The following HEATR6 variants were observed in gnomAD, a reference collection of about 807,000 sequenced individuals.
HEATR6 encodes HEAT repeat-containing protein 6.
Under a neutral mutation model 132.8 loss-of-function variants are expected in HEATR6, and 106 were observed. That is an observed-to-expected ratio of 0.80 (90% confidence interval 0.68 to 0.94). HEATR6 has a LOEUF of 0.94. Among genes scored for constraint, HEATR6 ranks in the 40% least tolerant of loss-of-function variants. The pLI is 0.00. For synonymous variants in HEATR6, 529 were observed against 537.8 expected (o/e 0.98, Z 0.23); for missense variants, 1,339 against 1,425.1 (o/e 0.94, Z 0.97).
chr17:60,072,909 AT>A (rs1311526673), intron 4 of HEATR6, among the ~76,000 whole-genome samples: 1 of 152,208 alleles, frequency 6.6e-6, no homozygotes, highest in East Asian at 1.9e-4. Context: ...AGAAAACAAA[AT>A]TTTGACATAC....
At chr17:60,059,346 C>A (rs1013920984) in intron 11 of HEATR6, 76 bp downstream of exon 11, 2 of 801,416 alleles carry the variant, frequency 2.5e-6, no homozygotes, top group Non-Finnish European at 4.1e-6. Flanking sequence ...ATACATATAT[C>A]TATATCTGTA....
chr17:60,067,395 T>C lies in HEATR6; in HGVS notation c.1238+39A>G, dbSNP rs1273082440. 8 of 1,415,086 alleles carry C rather than the reference T, an allele frequency of 5.7e-6. No individual in the cohort carries two copies. In the Admixed American group the frequency reaches 2.0e-4, roughly 36 times the overall value. 87.7% of individuals were successfully genotyped at this position (1,415,086 alleles called of 1,614,324 possible). On this transcript the variant is annotated intron_variant, in intron 8 of 19. Transcript: ENST00000184956. The stretch of plus-strand genomic sequence containing the variant: ...TTAAGTTATAAACTTACATGCAACT[T>C]AGAATACAAGGTATAAAAATGTAAC...
At position 60,057,187 on chromosome 17, in the gene HEATR6, G is replaced by A. The variant is rs759517595; in HGVS notation, c.1940C>T (p.Ser647Phe). 4 of 1,614,192 alleles carry A rather than the reference G, an allele frequency of 2.5e-6. No individual in the cohort carries two copies. The highest frequency in any genetic ancestry group is 3.4e-6 in the Non-Finnish European group (4 of 1,180,020). ...EETSVSSPKG[S>F]SEPCWLIRLC... ...TCGAATGAGCCAGCAGGGCTCTGAA[G>A]ACCCCTTAGGTGAGCTAACTGACGT... is the stretch of plus-strand genomic sequence containing the variant. Residue 647 changes from serine to phenylalanine, a missense_variant, in exon 12 of 20, where the codon TCT (serine) becomes TTT (phenylalanine). By Grantham distance (155) the Ser-to-Phe change is radical. Transcript: ENST00000184956.
chr17:60,049,297 T>G (rs1906501726), intron 16 of HEATR6, among the ~76,000 whole-genome samples: 2 of 151,088 alleles, frequency 1.3e-5, no homozygotes, highest in African/African-American at 4.9e-5. Flanking sequence ...CCTGGCTAAT[T>G]TTTAAAATTT....
In HEATR6 at chr17:60,048,284, T is replaced by C; in HGVS notation, c.2652A>G (p.Thr884=). The change falls in exon 17 of 20, where the codon ACA becomes ACG. Residue 884 remains threonine, a synonymous_variant. Coordinates refer to ENST00000184956, the MANE Select transcript of HEATR6 (RefSeq NM_022070.5). ...AKAAWSLGNL[T]DTLIVNMETP... ...CCTACATGTTGACAATCAGAGTGTC[T>C]GTCAGGTTGCCCAGGGACCAGGCTG... The C allele has an allele frequency of 6.2e-7, 1 of 1,613,704 alleles. No homozygotes were observed. Among genetic ancestry groups the C allele is most frequent in the South Asian group, 1.1e-5 (1 of 91,058 alleles).
chr17:60,076,151 G>T lies in HEATR6; in HGVS notation c.306C>A (p.His102Gln). 6.2e-7 allele frequency: 1 copy of T among 1,605,446 alleles called. No homozygotes were observed. Among genetic ancestry groups the T allele is most frequent in the Non-Finnish European group, 8.5e-7 (1 of 1,173,176 alleles). The change falls in exon 2 of 20, where the codon CAC becomes CAA. Residue 102 changes from histidine (H) to glutamine (Q), a missense_variant. By Grantham distance (24) the His-to-Gln change is conservative. Coordinates refer to ENST00000184956, the MANE Select transcript of HEATR6 (RefSeq NM_022070.5). ...TTACCTGTAATCTGTTAAGTAAATG[G>T]TGGATAAGCTGGCTCACTTTGCTGA... ...HLVSKVSQLI[H>Q]HLLNRLQVIV...
intron 7 of HEATR6, among the ~76,000 whole-genome samples, chr17:60,068,989 T>C (rs2083256341): frequency 6.6e-6 from 1 of 152,240 alleles, no homozygotes; most frequent in Non-Finnish European, 1.5e-5. Context: ...ACACAGCAGA[T>C]GTTGGGTAAA....
rs895905808 is a variant in HEATR6, at chr17:60,066,532, G to C, written c.1239-146C>G. ...CTAAATAATTCCTAAAGATGTCAAT[G>C]TGTTATTAAAAATTTTTCTTTCAAA... On this transcript the variant is annotated intron_variant, in intron 8 of 19. Coordinates refer to ENST00000184956, the MANE Select transcript of HEATR6 (RefSeq NM_022070.5). 7.8e-6 allele frequency: 5 copies of C among 644,842 alleles called. No individual in the cohort carries two copies. The Admixed American group carries it at 1.7e-4, about 22-fold the overall frequency. The allele number at this position is 644,842 out of a possible 1,614,324, so 39.9% of individuals were successfully genotyped here.
chr17:60,065,184 T>C (rs1231488444), intron 9 of HEATR6, among the ~76,000 whole-genome samples: 1 of 152,226 alleles, frequency 6.6e-6, no homozygotes. Context: ...TTTAATTTCC[T>C]AGGATAAGGA....
intron 18 of HEATR6, among the ~76,000 whole-genome samples, chr17:60,046,584 T>C (rs1568604477): frequency 6.6e-6 from 1 of 152,188 alleles, no homozygotes; most frequent in Non-Finnish European, 1.5e-5. Flanking sequence ...CCAATACTTT[T>C]CTACTAGACT....
chr17:60,059,760 C>A, intron 10 of HEATR6, 130 bp downstream of exon 10: 1 of 744,224 alleles, frequency 1.3e-6, no homozygotes, highest in South Asian at 1.7e-5. Flanking sequence ...TACAGACTTC[C>A]AAATAGTGTA....
At chr17:60,054,090 T>G (rs191119543) in intron 14 of HEATR6, among the ~76,000 whole-genome samples, 1 of 152,042 alleles carries the variant, frequency 6.6e-6, no homozygotes, top group East Asian at 1.9e-4. Flanking sequence ...AGGAGGAAAG[T>G]GGTTTTGGAG....
chr17:60,043,748 C>G lies in HEATR6; in HGVS notation c.3361G>C (p.Ala1121Pro). The change falls in exon 20 of 20, where the codon GCA (alanine) becomes CCA (proline). Residue 1121 changes from alanine to proline, a missense_variant. Coordinates refer to ENST00000184956, the MANE Select transcript of HEATR6 (RefSeq NM_022070.5). ...TCTCTTTCCTGTGGGCTGTGGGGTGCTCCAGTGTCATCTCCCTCTGCTCCT... is the reference window on the plus strand; with the variant it reads ...TCTCTTTCCTGTGGGCTGTGGGGTGGTCCAGTGTCATCTCCCTCTGCTCCT... ...KSGAEGDDTGAPHSPQERDQM... is the reference protein window; with the variant it reads ...KSGAEGDDTGPPHSPQERDQM... The G allele has an allele frequency of 1.2e-6, 2 of 1,614,148 alleles. No individual in the cohort carries two copies. Among genetic ancestry groups the G allele is most frequent in the Non-Finnish European group, 1.7e-6 (2 of 1,180,032 alleles).
chr17:60,064,133 A>T (rs2083227313), intron 9 of HEATR6: 1 of 152,252 alleles, frequency 6.6e-6, no homozygotes. Context: ...AACATGGAGA[A>T]ATCCCATCTT....
intron 15 of HEATR6, 136 bp from the exon 16 acceptor site, chr17:60,049,838 T>G (rs1042670601): frequency 1.1e-6 from 1 of 915,858 alleles, no homozygotes; most frequent in Non-Finnish European, 1.6e-6. Flanking sequence ...GAGGCTACCC[T>G]GGTAAAAAGC....
At position 60,078,906 on chromosome 17, in the gene HEATR6, A is replaced by AGCAGCCATCTTTTCTACGGGCGGGGGGG. The variant is rs2083311141; in HGVS notation, c.8_9insCCCCCCCGCCCGTAGAAAAGATGGCTGC (p.Val4ProfsTer31). ...AAGGCCACGAACCGACAACTTGCACAGCAGCCATCTTTTCTACGGGCGGGG... is the reference window on the plus strand; with the variant it reads ...AAGGCCACGAACCGACAACTTGCACAGCAGCCATCTTTTCTACGGGCGGGGGGGGCAGCCATCTTTTCTACGGGCGGGG... On this transcript the variant is annotated frameshift_variant, in exon 1 of 20. Coordinates refer to ENST00000184956, the MANE Select transcript of HEATR6 (RefSeq NM_022070.5). LOFTEE classifies it high-confidence loss of function. 1 of 915,476 alleles carries AGCAGCCATCTTTTCTACGGGCGGGGGGG rather than the reference A, an allele frequency of 1.1e-6. No individual in the cohort carries two copies. The highest frequency in any genetic ancestry group is 1.5e-6 in the Non-Finnish European group (1 of 655,114). The allele number at this position is 915,476 out of a possible 1,614,324, so 56.7% of individuals were successfully genotyped here.
intron 10 of HEATR6, 76 bp downstream of exon 10, chr17:60,059,814 A>T: frequency 9.5e-7 from 1 of 1,053,892 alleles, no homozygotes; most frequent in Non-Finnish European, 1.5e-6. Flanking sequence ...AAGTCAAGTT[A>T]CTTTTGAGCT....
Position 60,048,330 on chromosome 17 carries a change from G to A in HEATR6, c.2606C>T (p.Ser869Phe). 6.2e-7 allele frequency: 1 copy of A among 1,613,670 alleles called. No individual in the cohort carries two copies. The highest frequency in any genetic ancestry group is 1.3e-5 in the African/African-American group (1 of 75,004). ...GGCTGCTTTGGCTCGAACATTCAGAGACTTGTCTTCAAGTGACATCAATAT... is the reference window on the plus strand; with the variant it reads ...GGCTGCTTTGGCTCGAACATTCAGAAACTTGTCTTCAAGTGACATCAATAT... ...NAILMSLEDK[S>F]LNVRAKAAWS... is the part of the protein sequence containing the mutation. Residue 869 changes from serine to phenylalanine, a missense_variant, in exon 17 of 20, where the codon TCT becomes TTT. Coordinates refer to ENST00000184956, the MANE Select transcript of HEATR6 (RefSeq NM_022070.5).
At chr17:60,048,990 A>ATATATATATATATAT (rs1164097731) in intron 16 of HEATR6, among the ~76,000 whole-genome samples, 2 of 98,416 alleles carry the variant, frequency 2.0e-5, no homozygotes, top group Non-Finnish European at 3.9e-5. Context: ...TATAATATAT[A>ATATATATATATATAT]TATATATATA....
Sources: gnomAD v4.1 joint callset for allele counts (sites outside exome capture counted in the v4.1 genomes callset) on GRCh38, gnomAD v4.1.1 for gene constraint, MANE v1.5 for transcripts, NCBI Gene and HGNC (gene_info 2026-07-23, HGNC 2026-07-21) for gene names.